The following MPP7 variants were observed in gnomAD, a reference collection of about 807,000 sequenced individuals.
MPP7 encodes the protein MAGUK p55 subfamily member 7.
Under a neutral mutation model 76.5 loss-of-function variants are expected in MPP7, and 60 were observed. The observed-to-expected ratio is 0.78, with a 90% confidence interval of 0.64 to 0.97. The LOEUF is 0.97. Among genes scored for constraint, MPP7 ranks in the 50% least tolerant of loss-of-function variants. The pLI is 0.00. For missense variants in MPP7, 641 were observed against 694.0 expected, an observed-to-expected ratio of 0.92 and a Z score of 0.86; for synonymous variants, 237 against 244.5, an observed-to-expected ratio of 0.97 and a Z score of 0.29.
Position 28,316,435 on chromosome 10 carries a change from T to TAAAAAAAA in MPP7, c.-132+13486_-132+13493dup, listed in dbSNP as rs549621404. Among the ~76,000 whole-genome samples the TAAAAAAAA allele has an allele frequency of 1.7e-3, 62 of 37,148 alleles. 4 individuals carry two copies. The highest frequency in any genetic ancestry group is 4.8e-3 in the African/African-American group (57 of 11,910). 24.4% of individuals were successfully genotyped at this position (37,148 alleles called of 152,430 possible). ...GGGCAACAGAGTAAGACTCTGTCTT[T>TAAAAAAAA]AAAAAAAAAAAAAAAAAAAAAAAAA... On this transcript the variant is annotated intron_variant, in intron 2 of 11. Transcript: ENST00000441595.
chr10:28,099,147 T>C (rs1394952714), intron 11 of MPP7, among the ~76,000 whole-genome samples: 2 of 152,140 alleles, frequency 1.3e-5, no homozygotes. Flanking sequence ...GCTACAAACA[T>C]GGCCATTAAC....
intron 2 of MPP7, among the ~76,000 whole-genome samples, chr10:28,319,668 C>T (rs189666309): frequency 1.3e-5 from 2 of 152,028 alleles, no homozygotes; most frequent in Admixed American, 6.6e-5. Context: ...AATGTTGACA[C>T]TGCCATTTAT....
chr10:28,205,664 G>A (rs938501797), intron 2 of MPP7, among the ~76,000 whole-genome samples: 6 of 152,128 alleles, frequency 3.9e-5, no homozygotes, highest in Admixed American at 2.0e-4. Context: ...GCACAGACAG[G>A]TCTATTCGTA....
At chr10:28,081,798 T>A (rs1029716525) in intron 12 of MPP7, among the ~76,000 whole-genome samples, 3 of 150,228 alleles carry the variant, frequency 2.0e-5, no homozygotes, top group Admixed American at 1.3e-4. Context: ...AGAGTCTTGC[T>A]CTGTCACTCA....
intron 1 of MPP7, among the ~76,000 whole-genome samples, chr10:28,264,477 A>G (rs1441868530): frequency 6.6e-6 from 1 of 152,114 alleles, no homozygotes; most frequent in East Asian, 1.9e-4. Context: ...CCACGTGAGA[A>G]GGCTGCACTT....
At chr10:28,326,586 T>G (rs1416961454) in intron 2 of MPP7, among the ~76,000 whole-genome samples, 1 of 152,218 alleles carries the variant, frequency 6.6e-6, no homozygotes, top group Non-Finnish European at 1.5e-5. Flanking sequence ...GTTACAGCCA[T>G]CAGCAGAGCA....
At chr10:28,067,627 A>C (rs77132676) in intron 13 of MPP7, among the ~76,000 whole-genome samples, 2,992 of 152,294 alleles carry the variant, frequency 0.02, 110 homozygotes, top group African/African-American at 0.068. Context: ...CTTCTATAAC[A>C]ACTTCAGAGG....
At chr10:28,086,658 C>G (rs545845667) in intron 12 of MPP7, among the ~76,000 whole-genome samples, 2 of 152,100 alleles carry the variant, frequency 1.3e-5, no homozygotes, top group Admixed American at 6.6e-5. Flanking sequence ...TTTGTCCTGA[C>G]GACCGTTTCA....
rs1564741764 is a variant in MPP7 at position 28,262,275 on chromosome 10, ATATT to A, written c.-131-23544_-131-23541del. Reference sequence around the variant, plus strand: ...TATATATATGTATATATATATATATATATTTTTTTTTTTTTCTTCACCATGTTGG... The same window carrying A: ...TATATATATGTATATATATATATATATTTTTTTTTTTCTTCACCATGTTGG... On this transcript the variant is annotated intron_variant, in intron 1 of 16. Transcript: ENST00000683449. Among the ~76,000 whole-genome samples the A allele has an allele frequency of 3.4e-3, 85 of 24,668 alleles. 5 individuals are homozygous for A. The highest frequency in any genetic ancestry group is 0.012 in the African/African-American group (82 of 6,986). The allele number at this position is 24,668 out of a possible 152,430, so 16.2% of individuals were successfully genotyped here.
At chr10:28,323,519 G>C (rs1486831065) in intron 2 of MPP7, among the ~76,000 whole-genome samples, 1 of 151,770 alleles carries the variant, frequency 6.6e-6, no homozygotes, top group African/African-American at 2.4e-5. Context: ...CAGTATGCAA[G>C]TTCTAAGCTT....
At chr10:28,251,158 C>A (rs562353961) in intron 1 of MPP7, among the ~76,000 whole-genome samples, 17 of 152,182 alleles carry the variant, frequency 1.1e-4, no homozygotes, top group Non-Finnish European at 1.9e-4. Flanking sequence ...TAAGAAAGAA[C>A]CATATAAGAA....
chr10:28,084,397 T>C (rs1170744622), intron 12 of MPP7, among the ~76,000 whole-genome samples: 2 of 152,122 alleles, frequency 1.3e-5, no homozygotes, highest in East Asian at 1.9e-4. Context: ...CCAGCAGCAA[T>C]AGGGGAAAAG....
intron 11 of MPP7, among the ~76,000 whole-genome samples, chr10:28,099,821 T>A (rs11006865): frequency 0.052 from 7,891 of 150,690 alleles, 246 homozygotes; most frequent in Middle Eastern, 0.1. Context: ...AAAAAAAAAA[T>A]AAATAAAAAA....
chr10:28,211,267 T>C (rs185687537), intron 2 of MPP7, among the ~76,000 whole-genome samples: 93 of 152,206 alleles, frequency 6.1e-4, no homozygotes, highest in Admixed American at 2.0e-3. Context: ...CCTGGTATCA[T>C]TGTCCTTACA....
chr10:28,182,286 TG>T (rs1375766443), intron 3 of MPP7, among the ~76,000 whole-genome samples: 4 of 152,224 alleles, frequency 2.6e-5, no homozygotes, highest in Non-Finnish European at 5.9e-5. Flanking sequence ...GGAGATATTA[TG>T]GTATTTCAAA....
chr10:28,272,432 T>C (rs1161084145), intron 1 of MPP7, among the ~76,000 whole-genome samples: 2 of 152,230 alleles, frequency 1.3e-5, no homozygotes, highest in African/African-American at 2.4e-5. Flanking sequence ...TGTGCATATA[T>C]AGTTATAGAC....
chr10:28,330,306 G>A (rs908312155), intron 1 of MPP7, among the ~76,000 whole-genome samples: 4 of 152,192 alleles, frequency 2.6e-5, no homozygotes, highest in Non-Finnish European at 5.9e-5. Flanking sequence ...TTGGGAGGCT[G>A]AAGGAGAAGG....
At position 28,052,535 on chromosome 10, in the gene MPP7, C is replaced by A. The variant is rs1453145623; in HGVS notation, c.*1530G>T. On this transcript the variant is annotated 3_prime_UTR_variant, in exon 17 of 17. Coordinates refer to ENST00000683449, the MANE Select transcript of MPP7 (RefSeq NM_001318170.2). Reference sequence around the variant, plus strand: ...ATAATGCTATCAAATGTGCAGTGCACAGATCGCACACTTGGATCTATCTTT... The same window carrying A: ...ATAATGCTATCAAATGTGCAGTGCAAAGATCGCACACTTGGATCTATCTTT... 12 of 152,606 alleles carry A rather than the reference C, an allele frequency of 7.9e-5. No homozygotes were observed. Among genetic ancestry groups the A allele is most frequent in the Admixed American group, 7.9e-4 (12 of 15,284 alleles). 9.5% of individuals were successfully genotyped at this position (152,606 alleles called of 1,614,324 possible). A position where few individuals can be genotyped will look rare whatever the true frequency, so the allele number is the denominator to read the frequency against.
chr10:28,116,011 T>C (rs1256603413), intron 11 of MPP7, among the ~76,000 whole-genome samples: 1 of 152,132 alleles, frequency 6.6e-6, no homozygotes, highest in Non-Finnish European at 1.5e-5. Context: ...CAGTCAGCAA[T>C]ATTAGAAACT....
Sources: gnomAD v4.1 joint callset for allele counts (sites outside exome capture counted in the v4.1 genomes callset) on GRCh38, gnomAD v4.1.1 for gene constraint, MANE v1.5 for transcripts, NCBI Gene and HGNC (gene_info 2026-07-23, HGNC 2026-07-21) for gene names.